Variants in GALNT13 observed in about 807,000 individuals in gnomAD.
GALNT13 encodes polypeptide N-acetylgalactosaminyltransferase 13, also known as UDP-GalNAc:polypeptide N-acetylgalactosaminyltransferase 13.
A neutral mutation model predicts 64.2 loss-of-function variants in GALNT13; 28 were observed. The observed-to-expected ratio is 0.44, with a 90% CI of 0.32 to 0.60. The LOEUF (loss-of-function observed/expected upper bound fraction) is 0.60. Ranked by LOEUF, GALNT13 falls within the 20% of genes least tolerant of loss-of-function variation. The pLI, the probability that GALNT13 is intolerant of heterozygous loss-of-function variation, is 0.05. For synonymous variants in GALNT13, 214 were observed against 224.6 expected (o/e 0.95, Z 0.42); for missense variants, 577 against 669.8 (o/e 0.86, Z 1.53).
At chr2:154,284,107 T>C (rs116667463) in intron 8 of GALNT13, among the ~76,000 whole-genome samples, 2,187 of 152,280 alleles carry the variant, frequency 0.014, 59 homozygotes, top group African/African-American at 0.05. Context: ...CCCCAACTTA[T>C]TTTTATATGT....
At chr2:154,270,133 C>T (rs1333553564) in intron 8 of GALNT13, among the ~76,000 whole-genome samples, 1 of 151,320 alleles carries the variant, frequency 6.6e-6, no homozygotes, top group Non-Finnish European at 1.5e-5. Flanking sequence ...CATTAGCAAA[C>T]ATTAACAAAA....
intron 3 of GALNT13, among the ~76,000 whole-genome samples, chr2:153,999,248 C>T (rs1057259012): frequency 2.0e-5 from 3 of 149,946 alleles, no homozygotes; most frequent in African/African-American, 4.9e-5. Context: ...TAACATGACA[C>T]ATCTACAACC....
At chr2:153,608,874 G>A in the GALNT13 span, among the ~76,000 whole-genome samples, 1 of 145,966 alleles carries the variant, frequency 6.9e-6, no homozygotes, top group Non-Finnish European at 1.5e-5. Flanking sequence ...TAATATAAGA[G>A]AAATAGTGGA....
intron 2 of GALNT13, 23 bp from the exon 3 acceptor site, chr2:153,944,371 T>A: frequency 1.3e-6 from 1 of 752,354 alleles, no homozygotes; most frequent in East Asian, 2.6e-5. Context: ...ATTAATGAAA[T>A]TTTCTTCTTT....
chr2:153,562,056 C>CTG, the GALNT13 span, among the ~76,000 whole-genome samples: 3 of 92,896 alleles, frequency 3.2e-5, no homozygotes, highest in African/African-American at 9.1e-5. Context: ...CTCTCTCTCT[C>CTG]TCTCTGTGTG....
At chr2:153,437,336 T>C in the GALNT13 span, among the ~76,000 whole-genome samples, 1 of 152,194 alleles carries the variant, frequency 6.6e-6, no homozygotes, top group Non-Finnish European at 1.5e-5. Context: ...TAGATGTCTA[T>C]TGGGTCCACT....
At chr2:154,005,030 G>T (rs1164816271) in intron 3 of GALNT13, among the ~76,000 whole-genome samples, 1 of 152,058 alleles carries the variant, frequency 6.6e-6, no homozygotes, top group Non-Finnish European at 1.5e-5. Context: ...TTCCATCACT[G>T]TGCAGAAAAT....
intron 4 of GALNT13, among the ~76,000 whole-genome samples, chr2:154,205,794 A>G (rs186402974): frequency 1.3e-5 from 2 of 152,234 alleles, no homozygotes; most frequent in Admixed American, 6.5e-5. Flanking sequence ...GACCCTCCCT[A>G]TAATTCAGTC....
the GALNT13 span, among the ~76,000 whole-genome samples, chr2:153,603,082 A>G: frequency 2.6e-5 from 4 of 151,998 alleles, no homozygotes; most frequent in East Asian, 5.8e-4. Flanking sequence ...TATATTTACA[A>G]GGATATATAG....
chr2:153,281,502 T>C, the GALNT13 span, among the ~76,000 whole-genome samples: 1 of 152,180 alleles, frequency 6.6e-6, no homozygotes, highest in East Asian at 1.9e-4. Flanking sequence ...TAAGTGTGTT[T>C]ATGTGGCAGT....
At chr2:153,202,688 T>G in the GALNT13 span, among the ~76,000 whole-genome samples, 1 of 152,112 alleles carries the variant, frequency 6.6e-6, no homozygotes, top group Admixed American at 6.5e-5. Flanking sequence ...AAGGAAAAAA[T>G]TGTTTTACCC....
At chr2:154,110,035 T>G (rs1452632132) in intron 3 of GALNT13, among the ~76,000 whole-genome samples, 3 of 151,844 alleles carry the variant, frequency 2.0e-5, no homozygotes, top group Non-Finnish European at 4.4e-5. Context: ...TTGGAAGAGT[T>G]TGAGAAAGAT....
At chr2:153,563,540 C>A in the GALNT13 span, among the ~76,000 whole-genome samples, 22 of 151,944 alleles carry the variant, frequency 1.4e-4, no homozygotes, top group Non-Finnish European at 5.9e-5. Context: ...CTGTGTGGAG[C>A]GGGTCCGGGT....
intron 4 of GALNT13, among the ~76,000 whole-genome samples, chr2:154,153,403 G>T (rs1046505091): frequency 2.0e-5 from 3 of 152,220 alleles, no homozygotes; most frequent in African/African-American, 7.2e-5. Flanking sequence ...TGAGGAGGCA[G>T]TCTGCCCATT....
At chr2:153,879,035 A>ACAGAATC in intron 1 of GALNT13, among the ~76,000 whole-genome samples, 1 of 152,302 alleles carries the variant, frequency 6.6e-6, no homozygotes, top group East Asian at 1.9e-4. Flanking sequence ...GGATGGATCC[A>ACAGAATC]CAGAATCTAC....
the GALNT13 span, among the ~76,000 whole-genome samples, chr2:153,303,822 A>G: frequency 6.6e-6 from 1 of 152,126 alleles, no homozygotes; most frequent in African/African-American, 2.4e-5. Flanking sequence ...AGGAATTCAC[A>G]GCCTCTTTCT....
At chr2:153,153,006 C>CTAA in the GALNT13 span, among the ~76,000 whole-genome samples, 1 of 152,184 alleles carries the variant, frequency 6.6e-6, no homozygotes, top group Non-Finnish European at 1.5e-5. Flanking sequence ...AATGGTTGAA[C>CTAA]TAATTTACAC....
At chr2:153,773,631 T>A in the GALNT13 span, among the ~76,000 whole-genome samples, 9 of 152,188 alleles carry the variant, frequency 5.9e-5, no homozygotes, top group African/African-American at 2.2e-4. Context: ...GAAGAATGGT[T>A]GTCACATCAT....
At chr2:154,138,521 A>T (rs1413917519) in intron 3 of GALNT13, among the ~76,000 whole-genome samples, 1 of 151,670 alleles carries the variant, frequency 6.6e-6, no homozygotes. Flanking sequence ...TTTTTATACC[A>T]GGGAAAAAGT....
Sources: gnomAD v4.1 joint callset for allele counts (sites outside exome capture counted in the v4.1 genomes callset) on GRCh38, gnomAD v4.1.1 for gene constraint, MANE v1.5 for transcripts, NCBI Gene and HGNC (gene_info 2026-07-23, HGNC 2026-07-21) for gene names.